The following OR5D16 variants were observed in gnomAD, a reference collection of about 807,000 sequenced individuals.
OR5D16 encodes the protein olfactory receptor family 5 subfamily D member 16.
For missense variants in OR5D16, 477 were observed against 385.5 expected, an observed-to-expected ratio of 1.24 and a Z score of -1.99; for synonymous variants, 185 against 153.2, an observed-to-expected ratio of 1.21 and a Z score of -1.53.
Position 55,839,257 on chromosome 11 carries a change from C to T in OR5D16, c.506C>T (p.Ser169Phe), listed in dbSNP as rs775457826. The stretch of plus-strand genomic sequence containing the variant: ...CTCGCGTGCTCTGCTTTAAAGTTAT[C>T]TTTTCATGGTTTCAACACAATCAAT... ...LTLACSALKL[S>F]FHGFNTINHF... The change falls in exon 1 of 1, where the codon TCT becomes TTT. Residue 169 changes from serine (S) to phenylalanine (F), a missense_variant. Transcript: ENST00000378396. 6.2e-7 allele frequency: 1 copy of T among 1,614,022 alleles called. No homozygotes were observed. The highest frequency in any genetic ancestry group is 8.5e-7 in the Non-Finnish European group (1 of 1,179,976).
rs752687388 is a variant in OR5D16 at position 55,838,836 on chromosome 11, CTCT to C, written c.90_92del (p.Phe31del). The C allele has an allele frequency of 1.2e-5, 19 of 1,613,800 alleles. No homozygotes were observed. The highest frequency in any genetic ancestry group is 1.6e-5 in the Non-Finnish European group (19 of 1,179,884). ...AGATTACCTGGAACTGCAAATTCCC[CTCT>C]TCTTTGTATTTCTGGCAGTCTACGG... On this transcript the variant is annotated inframe_deletion, in exon 1 of 1. Coordinates refer to ENST00000378396, the MANE Select transcript of OR5D16 (RefSeq NM_001005496.1).
rs1192578433 is a variant in OR5D16 at position 55,839,060 on chromosome 11, C to A, written c.309C>A (p.Phe103Leu). The change falls in exon 1 of 1, where the codon TTC (phenylalanine) becomes TTA (leucine). Residue 103 changes from phenylalanine to leucine, a missense_variant. Transcript: ENST00000378396. The stretch of plus-strand genomic sequence containing the variant: ...CATTCTCAGGATGTTTGGTGCAATT[C>A]TTTTTCTTTTGCACCTTTGTAGTGA... ...TISFSGCLVQ[F>L]FFFCTFVVTE... is the part of the protein sequence containing the mutation. 5 of 1,613,900 alleles carry A rather than the reference C, an allele frequency of 3.1e-6. No individual in the cohort carries two copies. Among genetic ancestry groups the A allele is most frequent in the Admixed American group, 3.3e-5 (2 of 59,984 alleles).
rs763981985 is a variant in OR5D16 at position 55,839,704 on chromosome 11, A to T, written c.953A>T (p.His318Leu). ...AAATATTTTCATATTAAACATAGGC[A>T]TTGGTATCCATTTAATTTTGTTATT... ...NTKYFHIKHRHWYPFNFVIEQ is the reference protein window; with the variant it reads ...NTKYFHIKHRLWYPFNFVIEQ The change falls in exon 1 of 1, where the codon CAT becomes CTT. Residue 318 changes from histidine to leucine, a missense_variant. Coordinates refer to ENST00000378396, the MANE Select transcript of OR5D16 (RefSeq NM_001005496.1). 2 of 1,590,046 alleles carry T rather than the reference A, an allele frequency of 1.3e-6. No homozygotes were observed. The highest frequency in any genetic ancestry group is 4.5e-5 in the East Asian group (2 of 44,550).
rs751687545 is a variant in OR5D16 at position 55,839,577 on chromosome 11, G to C, written c.826G>C (p.Ala276Pro). 3.1e-6 allele frequency: 5 copies of C among 1,613,938 alleles called. No homozygotes were observed. The Admixed American group carries it at 8.3e-5, about 27-fold the overall frequency. Residue 276 changes from alanine to proline, a missense_variant, in exon 1 of 1, where the codon GCC (alanine) becomes CCC (proline). Physicochemically the swap from Ala to Pro is conservative, Grantham distance 27. Transcript: ENST00000378396. ...AAACTCCAGGCACACAGTCAAAGTGGCCTCTGTGTTTTACACCGTGGTGAT... is the reference window on the plus strand; with the variant it reads ...AAACTCCAGGCACACAGTCAAAGTGCCCTCTGTGTTTTACACCGTGGTGAT... ...SKNSRHTVKV[A>P]SVFYTVVIPL...
In OR5D16 at chr11:55,839,651, G is replaced by T; in HGVS notation, c.900G>T (p.Lys300Asn). The stretch of plus-strand genomic sequence containing the variant: ...ACAGTCTGAGAAATAAAGATGTTAA[G>T]GATGCAATCCGAAAAATAATCAATA... ...LIYSLRNKDV[K>N]DAIRKIINTK... The change falls in exon 1 of 1, where the codon AAG (lysine) becomes AAT (asparagine). Residue 300 changes from lysine (K) to asparagine (N), a missense_variant. Coordinates refer to ENST00000378396, the MANE Select transcript of OR5D16 (RefSeq NM_001005496.1). 6.2e-7 allele frequency: 1 copy of T among 1,613,018 alleles called. No individual in the cohort carries two copies. Among genetic ancestry groups the T allele is most frequent in the Non-Finnish European group, 8.5e-7 (1 of 1,179,206 alleles).
In OR5D16 at chr11:55,839,317, T is replaced by C. The variant is rs1293957137; in HGVS notation, c.566T>C (p.Leu189Pro). ...FFCELSSLISLSYPDSYLSQL... is the reference protein window; with the variant it reads ...FFCELSSLISPSYPDSYLSQL... ...TGTGAGTTATCCTCCCTGATATCACTCTCTTACCCTGACTCTTATCTCAGC... is the reference window on the plus strand; with the variant it reads ...TGTGAGTTATCCTCCCTGATATCACCCTCTTACCCTGACTCTTATCTCAGC... Residue 189 changes from leucine (L) to proline (P), a missense_variant, in exon 1 of 1, where the codon CTC (leucine) becomes CCC (proline). Physicochemically the swap from Leu to Pro is moderately conservative, Grantham distance 98. Coordinates refer to ENST00000378396, the MANE Select transcript of OR5D16 (RefSeq NM_001005496.1). 3.1e-6 allele frequency: 5 copies of C among 1,613,854 alleles called. No individual in the cohort carries two copies. The highest frequency in any genetic ancestry group is 1.7e-5 in the Admixed American group (1 of 59,988).
chr11:55,839,028 A>T lies in OR5D16; in HGVS notation c.277A>T (p.Thr93Ser). 1 of 1,613,986 alleles carries T rather than the reference A, an allele frequency of 6.2e-7. No homozygotes were observed. The highest frequency in any genetic ancestry group is 8.5e-7 in the Non-Finnish European group (1 of 1,179,966). ...MLVNLVVEDR[T>S]ISFSGCLVQF... is the part of the protein sequence containing the mutation. ...GGTGAACCTGGTTGTAGAAGATAGA[A>T]CCATTTCATTCTCAGGATGTTTGGT... Residue 93 changes from threonine to serine, a missense_variant, in exon 1 of 1, where the codon ACC (threonine) becomes TCC (serine). Coordinates refer to ENST00000378396, the MANE Select transcript of OR5D16 (RefSeq NM_001005496.1).
In OR5D16 at chr11:55,839,518, C is replaced by G. The variant is rs113161912; in HGVS notation, c.767C>G (p.Thr256Ser). ...ACTGCCATCACCATCTTCCATGGCA[C>G]CATCCTCTTCCTCTACTGTGTACCC... is the stretch of plus-strand genomic sequence containing the variant. ...HLTAITIFHG[T>S]ILFLYCVPNS... Residue 256 changes from threonine (T) to serine (S), a missense_variant, in exon 1 of 1, where the codon ACC (threonine) becomes AGC (serine). Thr to Ser is a moderately conservative substitution (Grantham distance 58). Transcript: ENST00000378396. 171 of 1,614,088 alleles carry G rather than the reference C, an allele frequency of 1.1e-4. 1 individual carries two copies. In the African/African-American group the frequency reaches 1.8e-3, roughly 17 times the overall value.
rs747708316 is a variant in OR5D16, at chr11:55,839,052, G to T, written c.301G>T (p.Val101Leu). Residue 101 changes from valine (V) to leucine (L), a missense_variant, in exon 1 of 1, where the codon GTG becomes TTG. Physicochemically the swap from Val to Leu is conservative, Grantham distance 32. Coordinates refer to ENST00000378396, the MANE Select transcript of OR5D16 (RefSeq NM_001005496.1). ...AACCATTTCATTCTCAGGATGTTTGGTGCAATTCTTTTTCTTTTGCACCTT... is the reference window on the plus strand; with the variant it reads ...AACCATTTCATTCTCAGGATGTTTGTTGCAATTCTTTTTCTTTTGCACCTT... ...DRTISFSGCL[V>L]QFFFFCTFVV... The T allele has an allele frequency of 6.2e-7, 1 of 1,613,844 alleles. No homozygotes were observed. Among genetic ancestry groups the T allele is most frequent in the Non-Finnish European group, 8.5e-7 (1 of 1,179,970 alleles).
chr11:55,839,676 A>G lies in OR5D16; in HGVS notation c.925A>G (p.Thr309Ala). ...GGATGCAATCCGAAAAATAATCAATACAAAATATTTTCATATTAAACATAG... is the reference window on the plus strand; with the variant it reads ...GGATGCAATCCGAAAAATAATCAATGCAAAATATTTTCATATTAAACATAG... ...VKDAIRKIINTKYFHIKHRHW... is the reference protein window; with the variant it reads ...VKDAIRKIINAKYFHIKHRHW... Residue 309 changes from threonine (T) to alanine (A), a missense_variant, in exon 1 of 1, where the codon ACA becomes GCA. Transcript: ENST00000378396. 2 of 1,607,020 alleles carry G rather than the reference A, an allele frequency of 1.2e-6. No homozygotes were observed. Among genetic ancestry groups the G allele is most frequent in the Non-Finnish European group, 1.7e-6 (2 of 1,173,904 alleles).
Position 55,839,243 on chromosome 11 carries a change from T to C in OR5D16, c.492T>C (p.Ser164=). The C allele has an allele frequency of 6.2e-7, 1 of 1,614,064 alleles. No homozygotes were observed. The highest frequency in any genetic ancestry group is 8.5e-7 in the Non-Finnish European group (1 of 1,179,974). ...CATGTTCCCTGACACTCGCGTGCTC[T>C]GCTTTAAAGTTATCTTTTCATGGTT... is the stretch of plus-strand genomic sequence containing the variant. The part of the protein sequence containing the change: ...GVACSLTLAC[S]ALKLSFHGFN... Residue 164 remains serine (S), a synonymous_variant, in exon 1 of 1, where the codon TCT becomes TCC. Transcript: ENST00000378396.
chr11:55,839,164 T>A lies in OR5D16; in HGVS notation c.413T>A (p.Ile138Asn). Residue 138 changes from isoleucine to asparagine, a missense_variant, in exon 1 of 1, where the codon ATC (isoleucine) becomes AAC (asparagine). Physicochemically the swap from Ile to Asn is moderately radical, Grantham distance 149 (BLOSUM62 -3). Coordinates refer to ENST00000378396, the MANE Select transcript of OR5D16 (RefSeq NM_001005496.1). ...ICNPLLYTVAISQKLCAMLVV... is the reference protein window; with the variant it reads ...ICNPLLYTVANSQKLCAMLVV... Reference sequence around the variant, plus strand: ...AATCCTCTGCTCTACACAGTTGCCATCTCCCAGAAACTCTGTGCCATGCTG... The same window carrying A: ...AATCCTCTGCTCTACACAGTTGCCAACTCCCAGAAACTCTGTGCCATGCTG... 6.2e-7 allele frequency: 1 copy of A among 1,614,022 alleles called. No homozygotes were observed.
At position 55,839,066 on chromosome 11, in the gene OR5D16, C is replaced by A. The variant is rs746301711; in HGVS notation, c.315C>A (p.Phe105Leu). 15 of 1,613,782 alleles carry A rather than the reference C, an allele frequency of 9.3e-6. No individual in the cohort carries two copies. The Admixed American group carries it at 1.5e-4, about 16-fold the overall frequency. Residue 105 changes from phenylalanine (F) to leucine (L), a missense_variant, in exon 1 of 1, where the codon TTC becomes TTA. Transcript: ENST00000378396. ...SFSGCLVQFF[F>L]FCTFVVTELI... ...CAGGATGTTTGGTGCAATTCTTTTT[C>A]TTTTGCACCTTTGTAGTGACTGAAT...
At position 55,839,030 on chromosome 11, in the gene OR5D16, C is replaced by T. The variant is rs764880156; in HGVS notation, c.279C>T (p.Thr93=). The part of the protein sequence containing the change: ...MLVNLVVEDR[T]ISFSGCLVQF... Reference sequence around the variant, plus strand: ...TGAACCTGGTTGTAGAAGATAGAACCATTTCATTCTCAGGATGTTTGGTGC... The same window carrying T: ...TGAACCTGGTTGTAGAAGATAGAACTATTTCATTCTCAGGATGTTTGGTGC... The change falls in exon 1 of 1, where the codon ACC becomes ACT. Residue 93 remains threonine (T), a synonymous_variant. Coordinates refer to ENST00000378396, the MANE Select transcript of OR5D16 (RefSeq NM_001005496.1). 3 of 1,613,984 alleles carry T rather than the reference C, an allele frequency of 1.9e-6. No individual in the cohort carries two copies. The highest frequency in any genetic ancestry group is 2.7e-5 in the African/African-American group (2 of 75,006).
In OR5D16 at chr11:55,839,030, C is replaced by G. The variant is rs764880156; in HGVS notation, c.279C>G (p.Thr93=). 2.9e-5 allele frequency: 46 copies of G among 1,613,984 alleles called. 1 individual carries two copies. The South Asian group carries it at 5.1e-4, about 18-fold the overall frequency. ...MLVNLVVEDR[T]ISFSGCLVQF... ...TGAACCTGGTTGTAGAAGATAGAAC[C>G]ATTTCATTCTCAGGATGTTTGGTGC... The change falls in exon 1 of 1, where the codon ACC becomes ACG. Residue 93 remains threonine, a synonymous_variant. Coordinates refer to ENST00000378396, the MANE Select transcript of OR5D16 (RefSeq NM_001005496.1).
Position 55,839,603 on chromosome 11 carries a change from C to G in OR5D16, c.852C>G (p.Ile284Met). Residue 284 changes from isoleucine (I) to methionine (M), a missense_variant, in exon 1 of 1, where the codon ATC (isoleucine) becomes ATG (methionine). Coordinates refer to ENST00000378396, the MANE Select transcript of OR5D16 (RefSeq NM_001005496.1). The stretch of plus-strand genomic sequence containing the variant: ...CCTCTGTGTTTTACACCGTGGTGAT[C>G]CCCTTGTTGAATCCCCTGATCTACA... ...KVASVFYTVV[I>M]PLLNPLIYSL... 1 of 1,613,928 alleles carries G rather than the reference C, an allele frequency of 6.2e-7. No individual in the cohort carries two copies. Among genetic ancestry groups the G allele is most frequent in the Non-Finnish European group, 8.5e-7 (1 of 1,179,910 alleles).
chr11:55,839,423 T>G lies in OR5D16; in HGVS notation c.672T>G (p.Ile224Met), dbSNP rs1565126617. Residue 224 changes from isoleucine (I) to methionine (M), a missense_variant, in exon 1 of 1, where the codon ATT becomes ATG. By Grantham distance (10) the Ile-to-Met change is conservative. Transcript: ENST00000378396. Reference sequence around the variant, plus strand: ...TTCTGACATCTTATGCATTCATCATTGTCACCACCTTGAAGATGCCTTCAG... The same window carrying G: ...TTCTGACATCTTATGCATTCATCATGGTCACCACCTTGAAGATGCCTTCAG... ...LIILTSYAFI[I>M]VTTLKMPSAS... 2 of 1,614,026 alleles carry G rather than the reference T, an allele frequency of 1.2e-6. No homozygotes were observed. Among genetic ancestry groups the G allele is most frequent in the East Asian group, 4.5e-5 (2 of 44,864 alleles).
chr11:55,838,808 C>A lies in OR5D16; in HGVS notation c.57C>A (p.Phe19Leu), dbSNP rs775042961. The A allele has an allele frequency of 1.9e-6, 3 of 1,613,854 alleles. No homozygotes were observed. In the East Asian group the frequency reaches 6.7e-5, roughly 36 times the overall value. ...AGGCCACATTCACTCTCTTGGGCTT[C>A]TCAGATTACCTGGAACTGCAAATTC... Reference protein sequence around the residue: ...TSEATFTLLGFSDYLELQIPL... With the variant: ...TSEATFTLLGLSDYLELQIPL... Residue 19 changes from phenylalanine to leucine, a missense_variant, in exon 1 of 1, where the codon TTC becomes TTA. Transcript: ENST00000378396.
In OR5D16 at chr11:55,839,116, A is replaced by G; in HGVS notation, c.365A>G (p.Tyr122Cys). ...TELILFAVMA[Y>C]DHFVAICNPL... ...TTAATTCTATTTGCGGTGATGGCCTATGACCACTTTGTGGCCATTTGCAAT... is the reference window on the plus strand; with the variant it reads ...TTAATTCTATTTGCGGTGATGGCCTGTGACCACTTTGTGGCCATTTGCAAT... Residue 122 changes from tyrosine (Y) to cysteine (C), a missense_variant, in exon 1 of 1, where the codon TAT becomes TGT. By Grantham distance (194) the Tyr-to-Cys change is radical. Transcript: ENST00000378396. The G allele has an allele frequency of 6.2e-7, 1 of 1,614,028 alleles. No homozygotes were observed. Among genetic ancestry groups the G allele is most frequent in the Non-Finnish European group, 8.5e-7 (1 of 1,179,984 alleles).
Sources: gnomAD v4.1 joint callset for allele counts on GRCh38, gnomAD v4.1.1 for gene constraint, MANE v1.5 for transcripts, NCBI Gene and HGNC (gene_info 2026-07-23, HGNC 2026-07-21) for gene names.